The following CHRD variants were observed in gnomAD, a reference collection of about 807,000 sequenced individuals.
The protein encoded by CHRD is chordin.
In CHRD, 69 loss-of-function variants were observed where a neutral mutation model predicts 113.7. The ratio of observed to expected loss-of-function variants is 0.61; its 90% CI spans 0.50 to 0.74. The LOEUF is 0.74. Among genes scored for constraint, CHRD ranks in the 30% least tolerant of loss-of-function variants. The pLI, the probability that CHRD is intolerant of heterozygous loss-of-function variation, is 0.00. For synonymous variants in CHRD, 561 were observed against 540.8 expected (o/e 1.04, Z -0.52); for missense variants, 1,194 against 1,295.8 (o/e 0.92, Z 1.21).
At position 184,388,436 on chromosome 3, in the gene CHRD, C is replaced by T. The variant is rs1330973965; in HGVS notation, c.2555-151C>T. The T allele has an allele frequency of 7.5e-6, 6 of 798,596 alleles. No homozygotes were observed. The highest frequency in any genetic ancestry group is 5.7e-4 in the Middle Eastern group (2 of 3,516). 49.5% of individuals were successfully genotyped at this position (798,596 alleles called of 1,614,324 possible). ...CCATCCATCCATCCATCCATCCGTC[C>T]CTTCATCCATCCATTCATCTGCCCA... On this transcript the variant is annotated intron_variant, in intron 20 of 22. Coordinates refer to ENST00000204604, the Ensembl canonical transcript of CHRD. This position sits in a 1 kb window ranked among gnomAD's most constrained non-coding sequence, Gnocchi z 6.1.
chr3:184,385,083 G>T (rs376150409), exon 14 of CHRD: 1 of 1,614,158 alleles, frequency 6.2e-7, no homozygotes, highest in South Asian at 1.1e-5. Context: ...AGCAGGGCAC[G>T]CCTGGCTTTC....
At position 184,384,636 on chromosome 3, in the gene CHRD, G is replaced by C; in HGVS notation, c.1540G>C (p.Glu514Gln). The C allele has an allele frequency of 6.2e-7, 1 of 1,607,926 alleles. No homozygotes were observed. The highest frequency in any genetic ancestry group is 8.5e-7 in the Non-Finnish European group (1 of 1,177,082). Residue 514 changes from glutamate to glutamine, a missense_variant, in exon 13 of 23, where the codon GAG becomes CAG. Coordinates refer to ENST00000204604, the Ensembl canonical transcript of CHRD. The surrounding 1 kb of genome is among the most constrained non-coding windows in gnomAD (Gnocchi z 4.4). ...GGGCACCAAGGACTTCCCAGACGGA[G>C]AGCTTCGGGGGCACGTGGCTGCCCT...
Position 184,381,404 on chromosome 3 carries a change from A to T in CHRD, c.382+40A>T. ...GCCCTGCGGGGAGGGAGGCAGGGCC[A>T]CGATACTAGGTCCCGGGCCACTTGG... On this transcript the variant is annotated intron_variant, in intron 3 of 22. Coordinates refer to ENST00000204604, the Ensembl canonical transcript of CHRD. The surrounding 1 kb of genome is among the most constrained non-coding windows in gnomAD (Gnocchi z 4.7). The T allele has an allele frequency of 1.3e-6, 2 of 1,597,700 alleles. No homozygotes were observed. The highest frequency in any genetic ancestry group is 4.5e-5 in the East Asian group (2 of 44,124).
exon 8 of CHRD, chr3:184,382,770 T>C: frequency 6.2e-7 from 1 of 1,612,326 alleles, no homozygotes; most frequent in South Asian, 1.1e-5. Context: ...AACCCAGGAG[T>C]GGGGGTAAGT....
chr3:184,388,060 C>T lies in CHRD; in HGVS notation c.2554+27C>T. ...TGAGAGAGGTGGCTGAGCACTGAGG[C>T]CTCACCTTTGGGTTGAGGCAGGCTT... On this transcript the variant is annotated intron_variant, in intron 20 of 22. Coordinates refer to ENST00000204604, the Ensembl canonical transcript of CHRD. The surrounding 1 kb of genome is among the most constrained non-coding windows in gnomAD (Gnocchi z 6.1). 6.3e-7 allele frequency: 1 copy of T among 1,598,246 alleles called. No individual in the cohort carries two copies. Among genetic ancestry groups the T allele is most frequent in the Non-Finnish European group, 8.6e-7 (1 of 1,169,488 alleles).
chr3:184,388,809 C>T lies in CHRD; in HGVS notation c.2709+68C>T. 1 of 1,604,684 alleles carries T rather than the reference C, an allele frequency of 6.2e-7. No homozygotes were observed. Among genetic ancestry groups the T allele is most frequent in the Non-Finnish European group, 8.5e-7 (1 of 1,173,238 alleles). ...CCTGGTCTGGAGTAGGGAGACCTTC[C>T]CAGGGAGGTCCCTGAAGAAGCTGAA... is the stretch of plus-strand genomic sequence containing the variant. On this transcript the variant is annotated intron_variant, in intron 21 of 22. Coordinates refer to ENST00000204604, the Ensembl canonical transcript of CHRD. The surrounding 1 kb of genome is among the most constrained non-coding windows in gnomAD (Gnocchi z 6.1).
chr3:184,384,939 G>A lies in CHRD; in HGVS notation c.1598-79G>A. 1 of 1,432,230 alleles carries A rather than the reference G, an allele frequency of 7.0e-7. No homozygotes were observed. The highest frequency in any genetic ancestry group is 9.7e-7 in the Non-Finnish European group (1 of 1,028,592). The allele number at this position is 1,432,230 out of a possible 1,614,324, so 88.7% of individuals were successfully genotyped here. ...TCTTCCAGCTCGTGGAATGTGTGCTGGGGAGCTGGGAATGCTGGGTTTGAG... is the reference window on the plus strand; with the variant it reads ...TCTTCCAGCTCGTGGAATGTGTGCTAGGGAGCTGGGAATGCTGGGTTTGAG... On this transcript the variant is annotated intron_variant, in intron 13 of 22. Coordinates refer to ENST00000204604, the Ensembl canonical transcript of CHRD. The surrounding 1 kb of genome is among the most constrained non-coding windows in gnomAD (Gnocchi z 4.4).
chr3:184,383,208 G>A, intron 10 of CHRD, 45 bp downstream of exon 10: 8 of 1,591,338 alleles, frequency 5.0e-6, no homozygotes, highest in Non-Finnish European at 6.8e-6. Context: ...GCACAACTGA[G>A]AGACACAGAC....
exon 12 of CHRD, chr3:184,383,615 G>A (rs1337087171): frequency 5.0e-6 from 8 of 1,613,238 alleles, no homozygotes; most frequent in Non-Finnish European, 8.5e-7. Flanking sequence ...TGTGCCACAT[G>A]GCTGGACTCC....
exon 14 of CHRD, chr3:184,385,126 T>A: frequency 6.2e-7 from 1 of 1,614,184 alleles, no homozygotes; most frequent in Non-Finnish European, 8.5e-7. Context: ...CACTATGAAG[T>A]GCTGCTGGCT....
At position 184,388,497 on chromosome 3, in the gene CHRD, G is replaced by T. The variant is rs1716729836; in HGVS notation, c.2555-90G>T. ...CAAATTTATCACCTACTAAGTGCCA[G>T]AAACTGCAACGTGCTGGGTATTCAA... On this transcript the variant is annotated intron_variant, in intron 20 of 22. Coordinates refer to ENST00000204604, the Ensembl canonical transcript of CHRD. The surrounding 1 kb of genome is among the most constrained non-coding windows in gnomAD (Gnocchi z 6.1). 1 of 1,455,916 alleles carries T rather than the reference G, an allele frequency of 6.9e-7. No homozygotes were observed. Among genetic ancestry groups the T allele is most frequent in the African/African-American group, 1.4e-5 (1 of 70,918 alleles). 90.2% of individuals were successfully genotyped at this position (1,455,916 alleles called of 1,614,324 possible).
chr3:184,383,624 C>G, exon 12 of CHRD: 3 of 1,612,330 alleles, frequency 1.9e-6, no homozygotes, highest in Non-Finnish European at 2.5e-6. Flanking sequence ...TGGCTGGACT[C>G]CAGCCAGGAG....
intron 12 of CHRD, 133 bp downstream of exon 12, chr3:184,383,775 CTTTTT>C (rs58835715): frequency 5.0e-4 from 213 of 425,742 alleles, no homozygotes; most frequent in Middle Eastern, 1.4e-3. Context: ...ATTCATTTGA[CTTTTT>C]TTTTTTTTTT....
At chr3:184,382,715 C>T (rs373031272) in exon 8 of CHRD, 4 of 1,613,858 alleles carry the variant, frequency 2.5e-6, no homozygotes, top group African/African-American at 1.3e-5. Context: ...CTCAGTGACA[C>T]AGAGGACTCC....
chr3:184,381,162 C>T lies in CHRD; in HGVS notation c.253-73C>T, dbSNP rs1361481057. On this transcript the variant is annotated intron_variant, in intron 2 of 22. Coordinates refer to ENST00000204604, the Ensembl canonical transcript of CHRD. The surrounding 1 kb of genome is among the most constrained non-coding windows in gnomAD (Gnocchi z 4.7). ...GGCAGAGCTGGCTGACTCTGCGGGACATCCTTGCCTGGGGGGGTCTCATCA... is the reference window on the plus strand; with the variant it reads ...GGCAGAGCTGGCTGACTCTGCGGGATATCCTTGCCTGGGGGGGTCTCATCA... The T allele has an allele frequency of 3.2e-5, 50 of 1,563,662 alleles. No individual in the cohort carries two copies. The highest frequency in any genetic ancestry group is 1.7e-4 in the Middle Eastern group (1 of 6,010).
rs756063129 is a variant in CHRD at position 184,384,561 on chromosome 3, G to T, written c.1465G>T (p.Gly489Cys). The change falls in exon 13 of 23, where the codon GGT (glycine) becomes TGT (cysteine). Residue 489 changes from glycine to cysteine, a missense_variant. Coordinates refer to ENST00000204604, the Ensembl canonical transcript of CHRD. The surrounding 1 kb of genome is among the most constrained non-coding windows in gnomAD (Gnocchi z 4.4). ...GGCCGTGGGTATCTGCCCTGGGCTG[G>T]GTGCCCGAGGGGCTCATATGCTGCT... 1.3e-6 allele frequency: 2 copies of T among 1,584,506 alleles called. No homozygotes were observed. The highest frequency in any genetic ancestry group is 1.8e-5 in the Admixed American group (1 of 55,400).
chr3:184,381,084 C>A lies in CHRD; in HGVS notation c.253-151C>A. ...TTATCCCCATTTTCCAGACAGGGAC[C>A]TTGAGGCCCAGAGAGATGAAGTAGC... On this transcript the variant is annotated intron_variant, in intron 2 of 22. Coordinates refer to ENST00000204604, the Ensembl canonical transcript of CHRD. The surrounding 1 kb of genome is among the most constrained non-coding windows in gnomAD (Gnocchi z 4.7). 1.1e-6 allele frequency: 1 copy of A among 908,922 alleles called. No individual in the cohort carries two copies. The highest frequency in any genetic ancestry group is 1.8e-6 in the Non-Finnish European group (1 of 557,108). 56.3% of individuals were successfully genotyped at this position (908,922 alleles called of 1,614,324 possible). A position where few individuals can be genotyped will look rare whatever the true frequency, so the allele number is the denominator to read the frequency against.
chr3:184,383,123 G>C, exon 10 of CHRD: 2 of 1,610,382 alleles, frequency 1.2e-6, no homozygotes, highest in Non-Finnish European at 1.7e-6. Context: ...GGCCAGGGCT[G>C]CGCATCAGTG....
In CHRD at chr3:184,381,327, C is replaced by A; in HGVS notation, c.345C>A (p.Arg115=). Residue 115 remains arginine, a synonymous_variant, in exon 3 of 23, where the codon CGC becomes CGA. Transcript: ENST00000204604. The surrounding 1 kb of genome is among the most constrained non-coding windows in gnomAD (Gnocchi z 4.7). Reference sequence around the variant, plus strand: ...CAACCCCGGCCTGTGGGCAGCCGCGCCAGCTGCCGGGACACTGCTGCCAGA... The same window carrying A: ...CAACCCCGGCCTGTGGGCAGCCGCGACAGCTGCCGGGACACTGCTGCCAGA... The A allele has an allele frequency of 1.9e-6, 3 of 1,606,492 alleles. 1 individual carries two copies. In the South Asian group the frequency reaches 3.3e-5, roughly 18 times the overall value.
Sources: allele counts gnomAD v4.1 joint callset, GRCh38; gene constraint gnomAD v4.1.1; non-coding constraint Gnocchi (gnomAD v3.1); transcripts MANE v1.5; gene names NCBI Gene and HGNC (gene_info 2026-07-23, HGNC 2026-07-21).